The following KANK4 variants were observed in gnomAD, a reference collection of about 807,000 sequenced individuals.
KANK4 encodes the protein KN motif and ankyrin repeat domains 4.
A neutral mutation model predicts 80.8 loss-of-function variants in KANK4; 50 were observed. That is an observed-to-expected ratio of 0.62 (90% CI 0.49 to 0.78). The LOEUF (loss-of-function observed/expected upper bound fraction) is 0.78. Among genes scored for constraint, KANK4 ranks in the 30% least tolerant of loss-of-function variants. The pLI, the probability that KANK4 is intolerant of heterozygous loss-of-function variation, is 0.00. For missense variants in KANK4, 1,196 were observed against 1,240.1 expected (o/e 0.96, Z 0.53); for synonymous variants, 465 against 506.9 (o/e 0.92, Z 1.11).
chr1:62,298,957 A>G (rs1202921397), intron 1 of KANK4, among the ~76,000 whole-genome samples: 2 of 152,146 alleles, frequency 1.3e-5, no homozygotes, highest in East Asian at 1.9e-4. Context: ...GTTTAACAGA[A>G]TAGGAAGCCT....
intron 9 of KANK4, among the ~76,000 whole-genome samples, chr1:62,240,834 G>A (rs1053510927): frequency 7.9e-5 from 12 of 152,168 alleles, no homozygotes; most frequent in Admixed American, 6.5e-4. Flanking sequence ...TGCACCCAGA[G>A]GGCTCTCATC....
intron 7 of KANK4, among the ~76,000 whole-genome samples, chr1:62,255,102 G>C (rs1455325373): frequency 1.3e-5 from 2 of 151,566 alleles, no homozygotes; most frequent in African/African-American, 4.8e-5. Flanking sequence ...GGTCAGGCTG[G>C]TCTCAAACTC....
At chr1:62,318,645 T>C (rs1644562809) in intron 1 of KANK4, among the ~76,000 whole-genome samples, 2 of 152,144 alleles carry the variant, frequency 1.3e-5, no homozygotes, top group Non-Finnish European at 1.5e-5. Context: ...CGATTCCAGG[T>C]AGCAGTGGGA....
At chr1:62,295,148 T>TC (rs1235559536) in intron 1 of KANK4, among the ~76,000 whole-genome samples, 4 of 151,944 alleles carry the variant, frequency 2.6e-5, no homozygotes, top group African/African-American at 9.7e-5. Context: ...TCTTTTCTTT[T>TC]TTTTTTTTGA....
chr1:62,242,268 G>A (rs961392368), intron 9 of KANK4, among the ~76,000 whole-genome samples: 4 of 150,936 alleles, frequency 2.7e-5, no homozygotes, highest in Admixed American at 6.6e-5. Flanking sequence ...AGGCTGAGGC[G>A]GGAGGATCAC....
intron 1 of KANK4, among the ~76,000 whole-genome samples, chr1:62,307,479 C>CAAAA (rs3039730): frequency 0.011 from 1,280 of 112,608 alleles, 22 homozygotes; most frequent in African/African-American, 0.029. Context: ...GAGACTCTGC[C>CAAAA]AAAAAAAAAA....
intron 2 of KANK4, among the ~76,000 whole-genome samples, chr1:62,281,240 G>A (rs1672444780): frequency 6.6e-6 from 1 of 152,202 alleles, no homozygotes; most frequent in African/African-American, 2.4e-5. Context: ...ATCTTTAAGT[G>A]ACTAAATTGT....
rs934521684 is a variant in KANK4, at chr1:62,237,814, C to T, written c.*463G>A. ...GCTTGCCAGGGGGTTGGCTTAAATC[C>T]CCTCCCATCTATAGACATGCATATC... On this transcript the variant is annotated 3_prime_UTR_variant, in exon 10 of 10. Transcript: ENST00000371153. 3.9e-5 allele frequency: 6 copies of T among 152,732 alleles called. No homozygotes were observed. The highest frequency in any genetic ancestry group is 1.4e-4 in the African/African-American group (6 of 41,416). 9.5% of individuals were successfully genotyped at this position (152,732 alleles called of 1,614,324 possible).
rs1225660583 is a variant in KANK4, at chr1:62,273,514, A to G, written c.1590T>C (p.Thr530=). Residue 530 remains threonine, a synonymous_variant, in exon 3 of 10, where the codon ACT becomes ACC. Transcript: ENST00000371153. ...TGGTCTCCTCCCTCCCTGCTGGGGG[A>G]GTCTTTCTGTCGCTGCCCCACAGAA... The part of the protein sequence containing the change: ...GGFLWGSDRK[T]PPAGREETSS... 2 of 1,612,954 alleles carry G rather than the reference A, an allele frequency of 1.2e-6. No individual in the cohort carries two copies. The highest frequency in any genetic ancestry group is 1.7e-6 in the Non-Finnish European group (2 of 1,179,482).
At chr1:62,263,528 G>T in intron 6 of KANK4, 1 of 548,972 alleles carries the variant, frequency 1.8e-6, no homozygotes, top group Non-Finnish European at 3.2e-6. Context: ...AAGGAAGACT[G>T]GGAGGACAGC....
intron 1 of KANK4, among the ~76,000 whole-genome samples, chr1:62,284,718 T>C (rs1672525333): frequency 6.6e-6 from 1 of 152,224 alleles, no homozygotes; most frequent in Admixed American, 6.5e-5. Context: ...GTTTTTGTCC[T>C]ATGCCAGGAT....
At chr1:62,261,238 C>T (rs919835816) in intron 7 of KANK4, among the ~76,000 whole-genome samples, 1 of 149,504 alleles carries the variant, frequency 6.7e-6, no homozygotes, top group African/African-American at 2.5e-5. Flanking sequence ...CTCACTGAAA[C>T]CCCCACCCAC....
At chr1:62,295,743 A>G (rs1644358343) in intron 1 of KANK4, among the ~76,000 whole-genome samples, 1 of 152,190 alleles carries the variant, frequency 6.6e-6, no homozygotes, top group Non-Finnish European at 1.5e-5. Flanking sequence ...TCAGTGTGAT[A>G]TTGGAGGACA....
At chr1:62,247,433 C>T (rs1671492955) in intron 9 of KANK4, 39 bp downstream of exon 9, 3 of 1,595,238 alleles carry the variant, frequency 1.9e-6, no homozygotes, top group East Asian at 2.2e-5. Context: ...AGCCACCCTG[C>T]CCAGCAACAG....
In KANK4 at chr1:62,265,449, C is replaced by T. The variant is rs142526649; in HGVS notation, c.2319+1283G>A. On this transcript the variant is annotated intron_variant, in intron 6 of 9. Transcript: ENST00000371153. Reference sequence around the variant, plus strand: ...TAGAGACAGGGTTTTGCCATATTGCCCAGGCTGGTCTCAAACTCCTGGGCT... The same window carrying T: ...TAGAGACAGGGTTTTGCCATATTGCTCAGGCTGGTCTCAAACTCCTGGGCT... Among the ~76,000 whole-genome samples the T allele has an allele frequency of 1.6e-3, 241 of 152,098 alleles. 1 individual carries two copies. Among genetic ancestry groups the T allele is most frequent in the African/African-American group, 5.6e-3 (232 of 41,490 alleles).
chr1:62,262,484 T>G (rs2765244), intron 7 of KANK4, among the ~76,000 whole-genome samples: 105,159 of 152,038 alleles, frequency 0.69, 37,233 homozygotes, highest in East Asian at 0.83. Flanking sequence ...TGCATTTATA[T>G]GCTATCACAG....
At chr1:62,256,978 C>T (rs1570976871) in intron 7 of KANK4, among the ~76,000 whole-genome samples, 2 of 152,136 alleles carry the variant, frequency 1.3e-5, no homozygotes, top group South Asian at 4.1e-4. Context: ...CTTATCAGTT[C>T]TCTTTTATCT....
rs1213183759 is a variant in KANK4, at chr1:62,271,586, A to G, written c.1904T>C (p.Ile635Thr). The change falls in exon 4 of 10, where the codon ATC (isoleucine) becomes ACC (threonine). Residue 635 changes from isoleucine (I) to threonine (T), a missense_variant. Around this residue, in one of 3 missense-constraint regions of KANK4, gnomAD observed 1,154 missense variants for 1,179.6 expected, o/e 0.98. Transcript: ENST00000371153. The part of the protein sequence containing the change: ...PASSSSPPVE[I>T]SPSTSLKSIM... ...GGATTTAAGGCTGGTCGATGGGGAG[A>G]TCTCTAGGCAGACACAACATCACAG... 1.2e-6 allele frequency: 2 copies of G among 1,606,352 alleles called. No individual in the cohort carries two copies. Among genetic ancestry groups the G allele is most frequent in the Non-Finnish European group, 1.7e-6 (2 of 1,173,046 alleles).
chr1:62,249,315 A>C (rs949495482), intron 8 of KANK4, among the ~76,000 whole-genome samples: 6 of 151,360 alleles, frequency 4.0e-5, no homozygotes, highest in African/African-American at 1.5e-4. Context: ...GATTTTCTTA[A>C]TTTTGTTATA....
Sources: gnomAD v4.1 joint callset for allele counts (sites outside exome capture counted in the v4.1 genomes callset) on GRCh38, gnomAD v4.1.1 for gene constraint, gnomAD v4.1.1 regional missense constraint, MANE v1.5 for transcripts, NCBI Gene and HGNC (gene_info 2026-07-23, HGNC 2026-07-21) for gene names.